ARFIP1: variants seen among roughly 807,000 people sequenced by gnomAD.
ARFIP1 encodes arfaptin-1.
Under a neutral mutation model 42.5 loss-of-function variants are expected in ARFIP1, and 24 were observed. The ratio of observed to expected loss-of-function variants is 0.57; its 90% CI spans 0.41 to 0.80. The LOEUF (loss-of-function observed/expected upper bound fraction) is 0.80. ARFIP1 is among the 30% of genes least tolerant of loss of function. The pLI, the probability that ARFIP1 is intolerant of heterozygous loss-of-function variation, is 0.00. For synonymous variants in ARFIP1, 141 were observed against 153.7 expected (o/e 0.92, Z 0.61); for missense variants, 354 against 434.0 (o/e 0.82, Z 1.64).
chr4:152,883,021 A>G (rs925734691), intron 7 of ARFIP1, 141 bp downstream of exon 7: 4 of 836,874 alleles, frequency 4.8e-6, no homozygotes, highest in Admixed American at 3.3e-5. Context: ...GGATGCCTCT[A>G]CAGACCTGGC....
intron 2 of ARFIP1, among the ~76,000 whole-genome samples, chr4:152,837,114 C>A (rs1037554655): frequency 6.6e-6 from 1 of 152,266 alleles, no homozygotes; most frequent in African/African-American, 2.4e-5. Context: ...TTAATTCATT[C>A]CTCTTTATGC....
In ARFIP1 at chr4:152,872,491, T is replaced by C; in HGVS notation, c.338T>C (p.Leu113Pro). The change falls in exon 5 of 9, where the codon CTA (leucine) becomes CCA (proline). Residue 113 changes from leucine (L) to proline (P), a missense_variant. Leu to Pro is a moderately conservative substitution (Grantham distance 98). Transcript: ENST00000353617. ...RTQTKSGPVI[L>P]ADEIKNPAME... is the part of the protein sequence containing the mutation. ...CAGACAAAAAGTGGACCAGTTATTCTAGCAGATGAAATTAAAAATCCTGCA... is the reference window on the plus strand; with the variant it reads ...CAGACAAAAAGTGGACCAGTTATTCCAGCAGATGAAATTAAAAATCCTGCA... 1 of 1,612,220 alleles carries C rather than the reference T, an allele frequency of 6.2e-7. No homozygotes were observed. Among genetic ancestry groups the C allele is most frequent in the African/African-American group, 1.3e-5 (1 of 74,962 alleles).
intron 8 of ARFIP1, among the ~76,000 whole-genome samples, chr4:152,908,893 TGTGTG>T (rs1380782679): frequency 4.9e-5 from 1 of 20,292 alleles, no homozygotes; most frequent in Non-Finnish European, 1.2e-4. Flanking sequence ...TAGAGAGAAG[TGTGTG>T]TGTGTGTGTG....
chr4:152,905,362 G>T (rs938832782), intron 8 of ARFIP1, among the ~76,000 whole-genome samples: 2 of 151,976 alleles, frequency 1.3e-5, no homozygotes, highest in African/African-American at 4.8e-5. Flanking sequence ...TATGGTCAAG[G>T]TTTTTTAATT....
chr4:152,815,408 G>A (rs1449189557), intron 1 of ARFIP1, among the ~76,000 whole-genome samples: 2 of 152,160 alleles, frequency 1.3e-5, no homozygotes, highest in African/African-American at 4.8e-5. Context: ...AGATTTAAGT[G>A]CATTTACACA....
intron 1 of ARFIP1, among the ~76,000 whole-genome samples, chr4:152,820,814 T>C (rs1730308674): frequency 6.6e-6 from 1 of 152,130 alleles, no homozygotes; most frequent in African/African-American, 2.4e-5. Context: ...CCCAGCACAT[T>C]TCTCCTGCGA....
chr4:152,869,732 A>AG (rs1214644517), intron 3 of ARFIP1, among the ~76,000 whole-genome samples: 1 of 152,180 alleles, frequency 6.6e-6, no homozygotes, highest in Non-Finnish European at 1.5e-5. Context: ...CTCAGCCAGT[A>AG]GTTAATGTTT....
intron 1 of ARFIP1, among the ~76,000 whole-genome samples, chr4:152,785,306 ATAGG>A (rs1278013767): frequency 6.6e-6 from 1 of 152,230 alleles, no homozygotes; most frequent in African/African-American, 2.4e-5. Flanking sequence ...GCCATACCAA[ATAGG>A]TAGAGCAGAT....
At chr4:152,852,061 TA>T (rs1733031812) in intron 2 of ARFIP1, among the ~76,000 whole-genome samples, 1 of 152,218 alleles carries the variant, frequency 6.6e-6, no homozygotes, top group African/African-American at 2.4e-5. Flanking sequence ...TAAAAACTAT[TA>T]AATACTCAAG....
At chr4:152,838,644 T>C (rs1731839570) in intron 2 of ARFIP1, among the ~76,000 whole-genome samples, 1 of 152,202 alleles carries the variant, frequency 6.6e-6, no homozygotes, top group Admixed American at 6.5e-5. Flanking sequence ...TCTGGAAACT[T>C]TGCTGAATCC....
chr4:152,787,639 C>G (rs1218918610), intron 1 of ARFIP1, among the ~76,000 whole-genome samples: 1 of 152,162 alleles, frequency 6.6e-6, no homozygotes, highest in African/African-American at 2.4e-5. Context: ...GATAGTGACA[C>G]CTTTGCTTTT....
At chr4:152,904,171 TGTG>T (rs1738089865) in intron 8 of ARFIP1, among the ~76,000 whole-genome samples, 9 of 32,198 alleles carry the variant, frequency 2.8e-4, no homozygotes, top group African/African-American at 1.0e-3. Context: ...TATATATATG[TGTG>T]TGTGTGTATA....
intron 1 of ARFIP1, among the ~76,000 whole-genome samples, chr4:152,813,333 TC>T (rs1464011671): frequency 1.3e-5 from 2 of 152,068 alleles, no homozygotes; most frequent in Non-Finnish European, 2.9e-5. Flanking sequence ...CTGGAACCAG[TC>T]CCCCACAGAT....
chr4:152,840,713 C>CTTTTCT (rs1731992808), intron 2 of ARFIP1, among the ~76,000 whole-genome samples: 2 of 107,782 alleles, frequency 1.9e-5, no homozygotes, highest in South Asian at 3.2e-4. Context: ...GGCTCTGTAT[C>CTTTTCT]TTTTTTTTTT....
chr4:152,881,787 A>C (rs980765135), intron 6 of ARFIP1, among the ~76,000 whole-genome samples: 1 of 152,154 alleles, frequency 6.6e-6, no homozygotes, highest in Non-Finnish European at 1.5e-5. Flanking sequence ...AATAAGGATA[A>C]TTTTACTTTC....
At chr4:152,882,669 A>G in intron 6 of ARFIP1, 54 bp from the exon 7 acceptor site, 2 of 1,534,366 alleles carry the variant, frequency 1.3e-6, no homozygotes, top group Non-Finnish European at 1.8e-6. Flanking sequence ...GAGATTTTTA[A>G]GTCACTTTTA....
At chr4:152,842,260 A>G (rs1732154846) in intron 2 of ARFIP1, among the ~76,000 whole-genome samples, 1 of 151,478 alleles carries the variant, frequency 6.6e-6, no homozygotes, top group Non-Finnish European at 1.5e-5. Flanking sequence ...CGAGCCAGCA[A>G]TGGCTACCCT....
At chr4:152,877,456 C>G (rs1000450721) in intron 5 of ARFIP1, among the ~76,000 whole-genome samples, 1 of 152,130 alleles carries the variant, frequency 6.6e-6, no homozygotes, top group Admixed American at 6.5e-5. Context: ...ACCTGTACCC[C>G]CATTGTATCT....
chr4:152,854,484 A>G (rs569717415), intron 2 of ARFIP1, among the ~76,000 whole-genome samples: 1 of 151,902 alleles, frequency 6.6e-6, no homozygotes, highest in Non-Finnish European at 1.5e-5. Context: ...TTTGGTTGGG[A>G]TCTGTTGCTG....
Sources: gnomAD v4.1 joint callset for allele counts (sites outside exome capture counted in the v4.1 genomes callset) on GRCh38, gnomAD v4.1.1 for gene constraint, MANE v1.5 for transcripts, NCBI Gene and HGNC (gene_info 2026-07-23, HGNC 2026-07-21) for gene names.